Variants in GPR158 observed in about 807,000 individuals in gnomAD.
GPR158 encodes the protein metabotropic glycine receptor.
Under a neutral mutation model 78.2 loss-of-function variants are expected in GPR158, and 30 were observed. The observed-to-expected ratio is 0.38, with a 90% CI of 0.29 to 0.52. The LOEUF (loss-of-function observed/expected upper bound fraction) is 0.52, where lower values mean the gene tolerates loss of function less well. Ranked by LOEUF, GPR158 falls within the 20% of genes least tolerant of loss-of-function variation. The pLI is 0.83. For missense variants in GPR158, 1,463 were observed against 1,523.5 expected (o/e 0.96, Z 0.66); for synonymous variants, 581 against 591.1 (o/e 0.98, Z 0.25).
chr10:25,318,174 TAGG>T (rs1854888305), intron 2 of GPR158, among the ~76,000 whole-genome samples: 1 of 152,174 alleles, frequency 6.6e-6, no homozygotes, highest in Non-Finnish European at 1.5e-5. Context: ...AGCATAGTGA[TAGG>T]AGGGGAGGGA....
At chr10:25,248,450 C>T (rs897569289) in intron 2 of GPR158, among the ~76,000 whole-genome samples, 1 of 151,750 alleles carries the variant, frequency 6.6e-6, no homozygotes, top group African/African-American at 2.4e-5. Flanking sequence ...GGTTTTAGGT[C>T]TAACATTTAA....
intron 1 of GPR158, among the ~76,000 whole-genome samples, chr10:25,178,420 A>G (rs1005441992): frequency 1.3e-5 from 2 of 152,206 alleles, no homozygotes; most frequent in African/African-American, 4.8e-5. Context: ...TTTCAGAATT[A>G]TCTCTCTTAA....
chr10:25,254,692 A>C (rs1853868614), intron 2 of GPR158, among the ~76,000 whole-genome samples: 2 of 152,220 alleles, frequency 1.3e-5, no homozygotes, highest in African/African-American at 4.8e-5. Flanking sequence ...AAATATCTAC[A>C]TCCAGAATAT....
intron 2 of GPR158, among the ~76,000 whole-genome samples, chr10:25,342,965 G>C (rs1377188080): frequency 6.6e-6 from 1 of 151,784 alleles, no homozygotes; most frequent in East Asian, 1.9e-4. Flanking sequence ...TAAGGAAAGA[G>C]TTGCATCTTC....
At chr10:25,210,956 AC>A (rs917343741) in intron 1 of GPR158, among the ~76,000 whole-genome samples, 1 of 151,830 alleles carries the variant, frequency 6.6e-6, no homozygotes, top group African/African-American at 2.4e-5. Context: ...ACATGGTGAA[AC>A]CCCATCTCTA....
intron 2 of GPR158, among the ~76,000 whole-genome samples, chr10:25,239,818 AC>A (rs1301254807): frequency 6.6e-6 from 1 of 152,170 alleles, no homozygotes; most frequent in Non-Finnish European, 1.5e-5. Flanking sequence ...ATTGTAGTAA[AC>A]AAAACAAAGC....
intron 7 of GPR158, among the ~76,000 whole-genome samples, chr10:25,586,607 T>A (rs1837272492): frequency 6.6e-6 from 1 of 151,978 alleles, no homozygotes; most frequent in Non-Finnish European, 1.5e-5. Flanking sequence ...GAGACAGGGT[T>A]TCACCAATGT....
intron 1 of GPR158, among the ~76,000 whole-genome samples, chr10:25,214,285 C>T (rs542878625): frequency 8.1e-4 from 124 of 152,180 alleles, no homozygotes; most frequent in African/African-American, 1.7e-3. Flanking sequence ...TGAGCCACCA[C>T]GCCTGGCCGA....
chr10:25,433,343 C>T (rs569695735), intron 4 of GPR158, among the ~76,000 whole-genome samples: 3 of 151,314 alleles, frequency 2.0e-5, no homozygotes, highest in Admixed American at 6.6e-5. Flanking sequence ...TGAAACTTAA[C>T]GTGCCAGATG....
chr10:25,442,810 G>C (rs865798720), intron 4 of GPR158, among the ~76,000 whole-genome samples: 30 of 152,032 alleles, frequency 2.0e-4, no homozygotes, highest in African/African-American at 6.5e-4. Context: ...TACCATTCCA[G>C]TCCAAGATAC....
chr10:25,276,669 G>A (rs548888626), intron 2 of GPR158, among the ~76,000 whole-genome samples: 43 of 152,170 alleles, frequency 2.8e-4, no homozygotes, highest in Non-Finnish European at 5.7e-4. Flanking sequence ...TGAGAGGAGT[G>A]TCACATTCTG....
rs373197734 is a variant in GPR158 at position 25,308,235 on chromosome 10, T to C, written c.1008+87078T>C. Among the ~76,000 whole-genome samples the C allele has an allele frequency of 7.2e-5, 11 of 152,308 alleles. No homozygotes were observed. The South Asian group carries it at 2.1e-3, about 29-fold the overall frequency. The stretch of plus-strand genomic sequence containing the variant: ...GTGTGCCATGGTGGTTTGCTGCACC[T>C]ATCAACCCATCACCTATGTATTAAG... On this transcript the variant is annotated intron_variant, in intron 2 of 10. Transcript: ENST00000376351.
chr10:25,455,630 G>T (rs761943387), intron 4 of GPR158, among the ~76,000 whole-genome samples: 4 of 151,992 alleles, frequency 2.6e-5, no homozygotes, highest in Non-Finnish European at 4.4e-5. Flanking sequence ...TTCTGTACGG[G>T]TTAGTATTTA....
At chr10:25,296,023 A>T (rs1485899219) in intron 2 of GPR158, among the ~76,000 whole-genome samples, 7 of 150,362 alleles carry the variant, frequency 4.7e-5, no homozygotes, top group Non-Finnish European at 8.9e-5. Flanking sequence ...AGTAAAAGGG[A>T]AATGAGAAAA....
intron 2 of GPR158, among the ~76,000 whole-genome samples, chr10:25,230,541 A>G (rs909705956): frequency 3.3e-5 from 5 of 151,924 alleles, no homozygotes; most frequent in East Asian, 3.9e-4. Flanking sequence ...TTGAAGAATC[A>G]AAGAAATTGA....
In GPR158 at chr10:25,599,171, C is replaced by T. The variant is rs748987430; in HGVS notation, c.3545C>T (p.Pro1182Leu). ...CPWEFETPAQ[P>L]NAGRSVALPA... ...TGGGAGTTTGAGACCCCAGCTCAAC[C>T]AAATGCTGGAAGAAGTGTAGCTTTA... Residue 1182 changes from proline to leucine, a missense_variant, in exon 11 of 11, where the codon CCA becomes CTA. Pro to Leu is a moderately conservative substitution (Grantham distance 98, BLOSUM62 -3). Transcript: ENST00000376351. 6.2e-7 allele frequency: 1 copy of T among 1,611,002 alleles called. No homozygotes were observed. The highest frequency in any genetic ancestry group is 8.5e-7 in the Non-Finnish European group (1 of 1,179,654).
At chr10:25,353,847 C>T (rs1428563522) in intron 2 of GPR158, among the ~76,000 whole-genome samples, 1 of 152,006 alleles carries the variant, frequency 6.6e-6, no homozygotes, top group Non-Finnish European at 1.5e-5. Flanking sequence ...TGAGACCATT[C>T]ACGTTGTATT....
At chr10:25,569,622 G>A (rs1836978059) in intron 6 of GPR158, among the ~76,000 whole-genome samples, 1 of 152,226 alleles carries the variant, frequency 6.6e-6, no homozygotes, top group Admixed American at 6.5e-5. Context: ...TCCCCCTACT[G>A]TCCCTACCTA....
intron 2 of GPR158, among the ~76,000 whole-genome samples, chr10:25,332,356 G>T (rs1410285095): frequency 6.6e-6 from 1 of 152,162 alleles, no homozygotes; most frequent in Non-Finnish European, 1.5e-5. Context: ...CTTAAGCTAG[G>T]ACTTTCTTTT....
Sources: gnomAD v4.1 joint callset for allele counts (sites outside exome capture counted in the v4.1 genomes callset) on GRCh38, gnomAD v4.1.1 for gene constraint, MANE v1.5 for transcripts, NCBI Gene and HGNC (gene_info 2026-07-23, HGNC 2026-07-21) for gene names.